DST: variants seen among roughly 807,000 people sequenced by gnomAD.
DST encodes dystonin.
In DST, 253 loss-of-function variants were observed where a neutral mutation model predicts 875.2. That is an observed-to-expected ratio of 0.29 (90% confidence interval 0.26 to 0.32). The LOEUF (loss-of-function observed/expected upper bound fraction) is 0.32, where lower values mean the gene tolerates loss of function less well. Ranked by LOEUF, DST falls within the 10% of genes least tolerant of loss-of-function variation. The pLI is 1.00. For missense variants in DST, 8,287 were observed against 9,111.6 expected, an observed-to-expected ratio of 0.91 and a Z score of 3.68; for synonymous variants, 3,124 against 3,197.1, an observed-to-expected ratio of 0.98 and a Z score of 0.77.
chr6:56,646,161 G>T lies in DST; in HGVS notation c.1576C>A (p.Gln526Lys). The T allele has an allele frequency of 6.6e-7, 1 of 1,504,168 alleles. No individual in the cohort carries two copies. The highest frequency in any genetic ancestry group is 9.0e-7 in the Non-Finnish European group (1 of 1,110,152). The allele number at this position is 1,504,168 out of a possible 1,614,324, so 93.2% of individuals were successfully genotyped here. ...GGTGGAATTTCTGTTTCTTTAAACT[G>T]TAAATACTGATTATAAAGTGCCTAA... ...ELKALYNQYL[Q>K]FKETEIPPKE... The change falls in exon 14 of 104, where the codon CAG (glutamine) becomes AAG (lysine). Residue 526 changes from glutamine (Q) to lysine (K), a missense_variant. By Grantham distance (53) the Gln-to-Lys change is moderately conservative. Transcript: ENST00000680361.
chr6:56,849,423 C>G (rs912151539), intron 4 of DST, among the ~76,000 whole-genome samples: 4 of 152,188 alleles, frequency 2.6e-5, no homozygotes, highest in African/African-American at 9.7e-5. Flanking sequence ...GCATGAGCCA[C>G]GACACCTGGC....
intron 36 of DST, chr6:56,616,217 AC>A: frequency 6.2e-7 from 1 of 1,614,122 alleles, no homozygotes; most frequent in Non-Finnish European, 8.5e-7. Context: ...ATACTTTTTG[AC>A]CAAGGCTTTG....
chr6:56,501,219 G>C lies in DST; in HGVS notation c.19757C>G (p.Ala6586Gly). ...TTGGAACTGACCCAAGGCTAATAGA[G>C]CACCCTCCAGTTTATGCTACAGAAA... ...IINRQHKLEG[A>G]LLALGQFQHA... Residue 6586 changes from alanine to glycine, a missense_variant, in exon 80 of 104, where the codon GCT becomes GGT. This residue lies in a region of DST where 1,292 missense variants were observed against 1,552.7 expected (regional missense o/e 0.83). Transcript: ENST00000680361. The C allele has an allele frequency of 6.3e-7, 1 of 1,596,206 alleles. No homozygotes were observed. Among genetic ancestry groups the C allele is most frequent in the Non-Finnish European group, 8.5e-7 (1 of 1,174,648 alleles).
intron 2 of DST, among the ~76,000 whole-genome samples, chr6:56,935,565 C>G (rs1450761516): frequency 1.3e-5 from 2 of 152,224 alleles, no homozygotes; most frequent in Non-Finnish European, 2.9e-5. Context: ...TCTTTAAAAT[C>G]TGCAAGTAGT....
intron 98 of DST, among the ~76,000 whole-genome samples, chr6:56,468,374 T>C (rs2152390869): frequency 6.6e-6 from 1 of 152,302 alleles, no homozygotes. Context: ...CTGCATATAT[T>C]ATAGCGATAA....
rs571612822 is a variant in DST, at chr6:56,737,858, G to C, written c.626-2569C>G. Among the ~76,000 whole-genome samples the C allele has an allele frequency of 1.1e-4, 16 of 152,250 alleles. 1 individual carries two copies. In the South Asian group the frequency reaches 3.1e-3, roughly 30 times the overall value. On this transcript the variant is annotated intron_variant, in intron 4 of 103. Coordinates refer to ENST00000680361, the MANE Select transcript of DST (RefSeq NM_001374736.1). ...GTTATAATCATATTATGTACAAAAT[G>C]TAACTATGAGAATATAAATCAGAGT...
chr6:56,536,728 G>A, intron 62 of DST, 51 bp downstream of exon 62: 1 of 1,450,438 alleles, frequency 6.9e-7, no homozygotes. Flanking sequence ...CACCACAAAT[G>A]CTCATGAATA....
intron 3 of DST, among the ~76,000 whole-genome samples, chr6:56,883,337 T>C (rs1417113702): frequency 6.6e-6 from 1 of 152,186 alleles, no homozygotes; most frequent in African/African-American, 2.4e-5. Context: ...TTGTTTAAGT[T>C]TTAAATAATA....
intron 2 of DST, among the ~76,000 whole-genome samples, chr6:56,920,890 A>C (rs1281078403): frequency 2.7e-5 from 3 of 109,792 alleles, no homozygotes; most frequent in African/African-American, 9.4e-5. Context: ...AACCACGCCC[A>C]GCTAATTTTT....
chr6:56,805,333 C>T (rs143453480), intron 4 of DST, among the ~76,000 whole-genome samples: 27 of 152,092 alleles, frequency 1.8e-4, no homozygotes, highest in African/African-American at 6.5e-4. Flanking sequence ...TATTGGAAGA[C>T]AAAATTTCCA....
chr6:56,900,283 T>A, intron 3 of DST, 138 bp downstream of exon 3: 2 of 642,392 alleles, frequency 3.1e-6, no homozygotes, highest in Non-Finnish European at 4.8e-6. Context: ...GAAACTCATA[T>A]GAGTACGCTG....
chr6:56,485,364 T>C lies in DST; in HGVS notation c.21155A>G (p.Gln7052Arg). The C allele has an allele frequency of 6.2e-7, 1 of 1,613,958 alleles. No homozygotes were observed. The highest frequency in any genetic ancestry group is 8.5e-7 in the Non-Finnish European group (1 of 1,179,858). Reference sequence around the variant, plus strand: ...CAAATCAATGTCTCCATGAACAGGCTGGTCTTCTGCCAGCTGGGGTTCAAC... The same window carrying C: ...CAAATCAATGTCTCCATGAACAGGCCGGTCTTCTGCCAGCTGGGGTTCAAC... ...YRVEPQLAED[Q>R]PVHGDIDLVM... The change falls in exon 88 of 104, where the codon CAG becomes CGG. Residue 7052 changes from glutamine to arginine, a missense_variant. Physicochemically the swap from Gln to Arg is conservative, Grantham distance 43. Around this residue, in one of 10 missense-constraint regions of DST, gnomAD observed 1,292 missense variants for 1,552.7 expected, o/e 0.83. Coordinates refer to ENST00000680361, the MANE Select transcript of DST (RefSeq NM_001374736.1).
intron 101 of DST, 83 bp downstream of exon 101, chr6:56,463,482 T>C (rs2094437350): frequency 7.9e-6 from 10 of 1,266,476 alleles, no homozygotes; most frequent in Non-Finnish European, 1.1e-5. Flanking sequence ...CTACAAATTC[T>C]AGGGCCCTAA....
At chr6:56,618,347 G>C in intron 36 of DST, 1 of 1,614,122 alleles carries the variant, frequency 6.2e-7, no homozygotes, top group Non-Finnish European at 8.5e-7. Flanking sequence ...GTTTCTAGAG[G>C]ACAGCTCTCC....
intron 5 of DST, among the ~76,000 whole-genome samples, chr6:56,711,727 T>G (rs558593703): frequency 6.6e-6 from 1 of 152,160 alleles, no homozygotes; most frequent in Non-Finnish European, 1.5e-5. Context: ...TGTAAAGGCA[T>G]CAGCATTACC....
rs1185594372 is a variant in DST, at chr6:56,714,784, A to G, written c.688-10415T>C. On this transcript the variant is annotated intron_variant, in intron 5 of 103. Coordinates refer to ENST00000680361, the MANE Select transcript of DST (RefSeq NM_001374736.1). This position sits in a 1 kb window ranked among gnomAD's most constrained non-coding sequence, Gnocchi z 4.5. ...GTCACATTCTAAAACCTCTGCTGTGATATTTCTCTATTGATAACTCCTCCT... is the reference window on the plus strand; with the variant it reads ...GTCACATTCTAAAACCTCTGCTGTGGTATTTCTCTATTGATAACTCCTCCT... 6.6e-6 allele frequency among the ~76,000 whole-genome samples: 1 copy of G among 152,174 alleles called. No homozygotes were observed. The highest frequency in any genetic ancestry group is 6.5e-5 in the Admixed American group (1 of 15,280).
chr6:56,645,901 T>C lies in DST; in HGVS notation c.1743A>G (p.Leu581=), dbSNP rs80241715. 7.7e-4 allele frequency: 1,237 copies of C among 1,613,856 alleles called. 13 individuals carry two copies. The East Asian group carries it at 0.025, about 33-fold the overall frequency. Residue 581 remains leucine (L), a synonymous_variant, in exon 15 of 104, where the codon CTA becomes CTG. Transcript: ENST00000680361. ...CTGGACGAAGGGCCTTCTCTCTCTC[T>C]AGCATGGCAATAATGAGTTTCCCCC... The part of the protein sequence containing the change: ...KEWGKLIIAM[L]EREKALRPEV...
At position 56,953,765 on chromosome 6, in the gene DST, G is replaced by T; in HGVS notation, c.216+20C>A. 7.6e-7 allele frequency: 1 copy of T among 1,311,132 alleles called. No individual in the cohort carries two copies. Among genetic ancestry groups the T allele is most frequent in the Non-Finnish European group, 1.0e-6 (1 of 991,650 alleles). 81.2% of individuals were successfully genotyped at this position (1,311,132 alleles called of 1,614,324 possible). On this transcript the variant is annotated intron_variant, in intron 2 of 103. Transcript: ENST00000680361. The stretch of plus-strand genomic sequence containing the variant: ...AAGAGAACTTCTTCTGACCTTGAGC[G>T]TGCGCGCTAAATAAATTACCTCAGA...
chr6:56,529,768 CT>C lies in DST; in HGVS notation c.17274del (p.Glu5759LysfsTer21). On this transcript the variant is annotated frameshift_variant, in exon 66 of 104. Coordinates refer to ENST00000680361, the MANE Select transcript of DST (RefSeq NM_001374736.1). LOFTEE classifies it high-confidence loss of function. ...LEEQIAQHKA[L>X]EDDIINHNKH... ...TTATTGTGATTGATGATGTCATCTT[CT>C]AAGGCCTAAGCAAAGTTTAAAAAAA... The C allele has an allele frequency of 6.4e-7, 1 of 1,555,404 alleles. No homozygotes were observed. The highest frequency in any genetic ancestry group is 1.2e-5 in the South Asian group (1 of 80,900).
Sources: allele counts gnomAD v4.1 joint callset (sites outside exome capture counted in the v4.1 genomes callset), GRCh38; gene constraint gnomAD v4.1.1; regional missense constraint gnomAD v4.1.1; non-coding constraint Gnocchi (gnomAD v3.1); transcripts MANE v1.5; gene names NCBI Gene and HGNC (gene_info 2026-07-23, HGNC 2026-07-21).